Variants in CRHR2 observed in about 807,000 individuals in gnomAD.
CRHR2 encodes corticotropin releasing hormone receptor 2.
In CRHR2, 53 loss-of-function variants were observed where a neutral mutation model predicts 57.9. The ratio of observed to expected loss-of-function variants is 0.92; its 90% CI spans 0.73 to 1.15. The LOEUF is 1.15. Ranked by LOEUF, CRHR2 falls within the 50% of genes most tolerant of loss-of-function variation. The probability of loss-of-function intolerance (pLI) is 0.00; values close to 1 mark genes in which losing one functional copy is unlikely to be tolerated. For synonymous variants in CRHR2, 213 were observed against 220.9 expected (o/e 0.96, Z 0.32); for missense variants, 532 against 542.6 (o/e 0.98, Z 0.19).
chr7:30,664,955 C>A, intron 5 of CRHR2, 115 bp downstream of exon 5: 1 of 796,402 alleles, frequency 1.3e-6, no homozygotes, highest in Non-Finnish European at 2.2e-6. Context: ...GCTGCTTTAG[C>A]AGGTAGTGAG....
chr7:30,674,256 C>T (rs1784447872), intron 2 of CRHR2, among the ~76,000 whole-genome samples: 1 of 152,218 alleles, frequency 6.6e-6, no homozygotes, highest in Non-Finnish European at 1.5e-5. Context: ...TGTGTAAGCT[C>T]TGCCCTCCCC....
intron 1 of CRHR2, chr7:30,698,278 G>A (rs1009345080): frequency 6.6e-6 from 1 of 152,350 alleles, no homozygotes; most frequent in African/African-American, 2.4e-5. Context: ...GGAGAGCTAG[G>A]CGCAGGGCCT....
intron 1 of CRHR2, among the ~76,000 whole-genome samples, chr7:30,692,890 A>G (rs1784988122): frequency 6.6e-6 from 1 of 152,230 alleles, no homozygotes; most frequent in Admixed American, 6.5e-5. Context: ...ATTCAAGCCC[A>G]GTCAGTTGGT....
intron 1 of CRHR2, among the ~76,000 whole-genome samples, chr7:30,693,694 C>T (rs1161773559): frequency 6.6e-6 from 1 of 152,202 alleles, no homozygotes; most frequent in African/African-American, 2.4e-5. Flanking sequence ...TTGCGACTGG[C>T]ATCTGAATTG....
rs1783746534 is a variant in CRHR2, at chr7:30,655,482, G to T, written c.1053+98C>A. 4.2e-6 allele frequency: 6 copies of T among 1,413,164 alleles called. No individual in the cohort carries two copies. The East Asian group carries it at 1.1e-4, about 27-fold the overall frequency. The allele number at this position is 1,413,164 out of a possible 1,614,324, so 87.5% of individuals were successfully genotyped here. A position where few individuals can be genotyped will look rare whatever the true frequency, so the allele number is the denominator to read the frequency against. On this transcript the variant is annotated intron_variant, in intron 10 of 11. Coordinates refer to ENST00000471646, the MANE Select transcript of CRHR2 (RefSeq NM_001883.5). ...CTCTGTGGATGTAACTGAGCCATGG[G>T]TGTGCCAGTCCCACGGGACCCCCTT...
intron 5 of CRHR2, among the ~76,000 whole-genome samples, chr7:30,663,934 C>G (rs1784099133): frequency 6.6e-6 from 1 of 152,236 alleles, no homozygotes; most frequent in South Asian, 2.1e-4. Context: ...CCCTCCTGTG[C>G]TGAGCTGTTG....
intron 7 of CRHR2, 85 bp downstream of exon 7, chr7:30,662,071 C>T (rs529535119): frequency 7.8e-5 from 113 of 1,440,836 alleles, no homozygotes; most frequent in South Asian, 3.9e-4. Flanking sequence ...TCCTGCTCCA[C>T]GGCTTGGCCA....
chr7:30,679,615 C>A (rs117124815), intron 2 of CRHR2, among the ~76,000 whole-genome samples: 4 of 152,038 alleles, frequency 2.6e-5, no homozygotes, highest in South Asian at 2.1e-4. Context: ...CCCACCCGGG[C>A]GATTCCTGCT....
intron 1 of CRHR2, 27 bp from the exon 2 acceptor site, chr7:30,682,067 G>T (rs758197773): frequency 1.8e-5 from 28 of 1,560,574 alleles, no homozygotes; most frequent in Middle Eastern, 1.7e-4. Flanking sequence ...GCGCAGTAGG[G>T]CTCAGAGGGG....
At chr7:30,682,114 G>T in intron 1 of CRHR2, 64 bp downstream of exon 1, 1 of 1,536,424 alleles carries the variant, frequency 6.5e-7, no homozygotes, top group South Asian at 1.2e-5. Context: ...CGCGGGGTCA[G>T]GGGCGCACCC....
At chr7:30,662,345 C>A (rs909112742) in intron 6 of CRHR2, 129 bp from the exon 7 acceptor site, 1 of 1,038,266 alleles carries the variant, frequency 9.6e-7, no homozygotes, top group East Asian at 2.5e-5. Context: ...CACCCACAAC[C>A]CCAGGGGTGC....
chr7:30,680,699 C>T (rs1233927506), intron 2 of CRHR2, among the ~76,000 whole-genome samples: 3 of 152,170 alleles, frequency 2.0e-5, no homozygotes, highest in Non-Finnish European at 2.9e-5. Context: ...TCCCTGGGCC[C>T]ACCAGAGCCC....
intron 2 of CRHR2, among the ~76,000 whole-genome samples, chr7:30,673,467 C>T (rs553621693): frequency 1.1e-4 from 16 of 152,176 alleles, no homozygotes; most frequent in Non-Finnish European, 1.9e-4. Context: ...ATCCTCCTGC[C>T]TCAGCCTCCC....
At chr7:30,657,853 C>T (rs1474010123) in intron 8 of CRHR2, among the ~76,000 whole-genome samples, 1 of 152,166 alleles carries the variant, frequency 6.6e-6, no homozygotes, top group Non-Finnish European at 1.5e-5. Flanking sequence ...CCAATTCATT[C>T]AATTATCCAC....
In CRHR2 at chr7:30,652,789, T is replaced by C. The variant is rs949497231; in HGVS notation, c.*671A>G. On this transcript the variant is annotated 3_prime_UTR_variant, in exon 12 of 12. Transcript: ENST00000471646. The surrounding 1 kb of genome is among the most constrained non-coding windows in gnomAD (Gnocchi z 4.4). The stretch of plus-strand genomic sequence containing the variant: ...TTGACTAAGGATGTGGCTTCCCTGA[T>C]GGCGTCTTCCTTGATTGCCTAATCT... 1 of 152,350 alleles carries C rather than the reference T, an allele frequency of 6.6e-6. No individual in the cohort carries two copies. Among genetic ancestry groups the C allele is most frequent in the Admixed American group, 6.5e-5 (1 of 15,294 alleles). The allele number at this position is 152,350 out of a possible 1,614,324, so 9.4% of individuals were successfully genotyped here. A position where few individuals can be genotyped will look rare whatever the true frequency, so the allele number is the denominator to read the frequency against.
chr7:30,690,148 A>G (rs1784932734), intron 1 of CRHR2, among the ~76,000 whole-genome samples: 1 of 152,186 alleles, frequency 6.6e-6, no homozygotes, highest in South Asian at 2.1e-4. Context: ...AAAGATGGAT[A>G]GGATGTACAG....
At chr7:30,699,971 G>A (rs905753565) in exon 1 of CRHR2, 2 of 1,491,464 alleles carry the variant, frequency 1.3e-6, no homozygotes, top group African/African-American at 2.9e-5. Context: ...GGAGGAGGCA[G>A]AGCAGGCAGA....
Position 30,668,277 on chromosome 7 carries a change from G to A in CRHR2, c.230-964C>T, listed in dbSNP as rs997653030. The stretch of plus-strand genomic sequence containing the variant: ...CCTAAGCCACCCCCTCCATACACCA[G>A]CTCCAATCAGGAGGAAGCCCTCCCA... On this transcript the variant is annotated intron_variant, in intron 2 of 11. Coordinates refer to ENST00000471646, the MANE Select transcript of CRHR2 (RefSeq NM_001883.5). Among the ~76,000 whole-genome samples, 6 of 152,224 alleles carry A rather than the reference G, an allele frequency of 3.9e-5. No homozygotes were observed. In the South Asian group the frequency reaches 6.2e-4, roughly 16 times the overall value.
intron 8 of CRHR2, among the ~76,000 whole-genome samples, chr7:30,657,265 CA>C (rs1287407964): frequency 6.6e-6 from 1 of 152,174 alleles, no homozygotes; most frequent in African/African-American, 2.4e-5. Context: ...ATGCTCCCCA[CA>C]AGCTTTCGGG....
Sources: gnomAD v4.1 joint callset for allele counts (sites outside exome capture counted in the v4.1 genomes callset) on GRCh38, gnomAD v4.1.1 for gene constraint, Gnocchi (gnomAD v3.1) non-coding constraint, MANE v1.5 for transcripts, NCBI Gene and HGNC (gene_info 2026-07-23, HGNC 2026-07-21) for gene names.